Variants in CHLSN observed in about 807,000 individuals in gnomAD.
CHLSN encodes cholesin.
At chr7:983,124 G>T in the CHLSN span, 4 of 1,170,316 alleles carry the variant, frequency 3.4e-6, no homozygotes, top group Non-Finnish European at 4.5e-6. Flanking sequence ...GGTGGGTGGG[G>T]TGCGGGCACG....
chr7:1,021,157 C>T, the CHLSN span, among the ~76,000 whole-genome samples: 1 of 151,850 alleles, frequency 6.6e-6, no homozygotes, highest in Non-Finnish European at 1.5e-5. Flanking sequence ...TAGGGACCTT[C>T]TGGTTGGGGA....
the CHLSN span, among the ~76,000 whole-genome samples, chr7:1,089,766 G>C: frequency 7.4e-6 from 1 of 135,744 alleles, no homozygotes; most frequent in Non-Finnish European, 1.5e-5. Context: ...CAAATCTCTA[G>C]TCTGGTTTTG....
At chr7:1,040,790 T>C in the CHLSN span, among the ~76,000 whole-genome samples, 3 of 151,888 alleles carry the variant, frequency 2.0e-5, no homozygotes, top group African/African-American at 4.8e-5. Flanking sequence ...AGATAAGCTA[T>C]GGACTGGGAC....
At chr7:1,001,206 C>T in the CHLSN span, among the ~76,000 whole-genome samples, 6 of 152,218 alleles carry the variant, frequency 3.9e-5, no homozygotes, top group African/African-American at 7.2e-5. Context: ...GCAGGGCAGC[C>T]GAGCCCAGAA....
the CHLSN span, among the ~76,000 whole-genome samples, chr7:1,001,419 A>C: frequency 1.4e-4 from 18 of 124,218 alleles, no homozygotes; most frequent in African/African-American, 5.4e-4. Context: ...GGGTGAGTGG[A>C]GTCCTGTGGG....
At chr7:1,092,380 G>T in the CHLSN span, 1 of 1,534,272 alleles carries the variant, frequency 6.5e-7, no homozygotes. Flanking sequence ...GCAGTGGCTC[G>T]AGGTCACGCT....
chr7:1,096,729 C>G, the CHLSN span, among the ~76,000 whole-genome samples: 1 of 152,226 alleles, frequency 6.6e-6, no homozygotes, highest in Non-Finnish European at 1.5e-5. This position sits in a 1 kb window ranked among gnomAD's most constrained non-coding sequence, Gnocchi z 4.6. Flanking sequence ...GTGACCTCCT[C>G]GTTCTTTGTG....
chr7:995,472 A>G, the CHLSN span, among the ~76,000 whole-genome samples: 84 of 152,068 alleles, frequency 5.5e-4, no homozygotes, highest in African/African-American at 1.9e-3. Flanking sequence ...TCCCTTTCTG[A>G]CTCGGCTGCT....
the CHLSN span, among the ~76,000 whole-genome samples, chr7:1,136,465 C>CATATAA: frequency 1.5e-5 from 1 of 67,796 alleles, no homozygotes; most frequent in Admixed American, 1.6e-4. Flanking sequence ...CATATATAAA[C>CATATAA]ATATATAAAT....
the CHLSN span, among the ~76,000 whole-genome samples, chr7:1,015,198 T>TG: frequency 9.3e-5 from 14 of 151,264 alleles, no homozygotes; most frequent in South Asian, 2.1e-3. Context: ...CTAAATTGTT[T>TG]GGGGGGGCTG....
the CHLSN span, chr7:985,408 C>T: frequency 2.8e-6 from 4 of 1,408,528 alleles, no homozygotes; most frequent in Admixed American, 2.3e-5. Flanking sequence ...CCAGTGCTGT[C>T]CCCTCTCAGC....
the CHLSN span, among the ~76,000 whole-genome samples, chr7:1,019,219 G>A: frequency 4.4e-5 from 6 of 137,386 alleles, no homozygotes; most frequent in East Asian, 2.5e-4. Flanking sequence ...AAACGGGGGG[G>A]GGGGAGTGAA....
At chr7:999,466 C>T in the CHLSN span, among the ~76,000 whole-genome samples, 1 of 148,020 alleles carries the variant, frequency 6.8e-6, no homozygotes, top group Admixed American at 6.6e-5. Flanking sequence ...TGTGTATGTC[C>T]TCTAACTCTG....
chr7:1,116,887 G>A, the CHLSN span, among the ~76,000 whole-genome samples: 1 of 35,008 alleles, frequency 2.9e-5, no homozygotes, highest in Non-Finnish European at 4.6e-5. Context: ...TTCCATCACC[G>A]ACGTCCACGC....
chr7:1,134,075 G>A, the CHLSN span, among the ~76,000 whole-genome samples: 1 of 152,150 alleles, frequency 6.6e-6, no homozygotes, highest in East Asian at 1.9e-4. Flanking sequence ...GGGATTGCAG[G>A]CGTGAGCCAC....
At chr7:989,911 G>A in the CHLSN span, among the ~76,000 whole-genome samples, 2 of 143,490 alleles carry the variant, frequency 1.4e-5, no homozygotes, top group South Asian at 2.3e-4. Flanking sequence ...TGCTGGTGGC[G>A]GTGTGGTCGG....
chr7:986,898 G>A, the CHLSN span: 46 of 1,365,872 alleles, frequency 3.4e-5, no homozygotes, highest in Non-Finnish European at 4.4e-5. Context: ...CCTGCACCAA[G>A]CTCCCTACCT....
chr7:1,079,989 CA>C, the CHLSN span, among the ~76,000 whole-genome samples: 1 of 152,262 alleles, frequency 6.6e-6, no homozygotes, highest in Non-Finnish European at 1.5e-5. Flanking sequence ...ACGAGTCCCA[CA>C]AGCCCCTGGC....
chr7:1,079,809 A>G, the CHLSN span, among the ~76,000 whole-genome samples: 1 of 152,224 alleles, frequency 6.6e-6, no homozygotes, highest in East Asian at 1.9e-4. Context: ...GCTCTGGGGA[A>G]GCAGCCCTGG....
Sources: allele counts gnomAD v4.1 joint callset (sites outside exome capture counted in the v4.1 genomes callset), GRCh38; gene constraint gnomAD v4.1.1; non-coding constraint Gnocchi (gnomAD v3.1); transcripts MANE v1.5; gene names NCBI Gene and HGNC (gene_info 2026-07-23, HGNC 2026-07-21).